The following MACROD2 variants were observed in gnomAD, a reference collection of about 807,000 sequenced individuals.
The protein encoded by MACROD2 is mono-ADP ribosylhydrolase 2, also known as ADP-ribose glycohydrolase MACROD2.
In MACROD2, 36 loss-of-function variants were observed where a neutral mutation model predicts 70.4. That is an observed-to-expected ratio of 0.51 (90% CI 0.39 to 0.68). The LOEUF is 0.68. MACROD2 is among the 30% of genes least tolerant of loss of function. The pLI is 0.00. For missense variants in MACROD2, 496 were observed against 538.4 expected, an observed-to-expected ratio of 0.92 and a Z score of 0.78; for synonymous variants, 172 against 178.8, an observed-to-expected ratio of 0.96 and a Z score of 0.30.
At chr20:15,204,917 A>T (rs940900832) in intron 5 of MACROD2, among the ~76,000 whole-genome samples, 1 of 152,160 alleles carries the variant, frequency 6.6e-6, no homozygotes, top group Non-Finnish European at 1.5e-5. Context: ...TTGAGTTGCC[A>T]AACACCCTAT....
intron 4 of MACROD2, chr20:14,621,773 G>C (rs906815807): frequency 3.9e-5 from 6 of 152,086 alleles, no homozygotes; most frequent in Non-Finnish European, 8.8e-5. Flanking sequence ...TAGATTCTCC[G>C]TTGGGAAGTG....
rs572810448 is a variant in MACROD2, at chr20:14,258,319, G to A, written c.271+172591G>A. ...TCTTTAAAGAATCTCCATACTGGTT[G>A]TACTAGTTTACATTCCCACCAGTAG... is the stretch of plus-strand genomic sequence containing the variant. On this transcript the variant is annotated intron_variant, in intron 3 of 17. Transcript: ENST00000684519. Among the ~76,000 whole-genome samples the A allele has an allele frequency of 3.9e-5, 6 of 152,150 alleles. No individual in the cohort carries two copies. The East Asian group carries it at 1.2e-3, about 29-fold the overall frequency.
At chr20:15,028,698 G>C (rs1057446489) in intron 5 of MACROD2, among the ~76,000 whole-genome samples, 1 of 152,186 alleles carries the variant, frequency 6.6e-6, no homozygotes, top group Non-Finnish European at 1.5e-5. Context: ...AGCCATGGCT[G>C]AGCTGAGATG....
At chr20:14,914,777 AC>A (rs555893130) in intron 5 of MACROD2, among the ~76,000 whole-genome samples, 2 of 152,202 alleles carry the variant, frequency 1.3e-5, no homozygotes, top group South Asian at 4.1e-4. Flanking sequence ...ATGCTGTCAA[AC>A]TCCTTCATGC....
At chr20:15,197,960 C>CT (rs56284199) in intron 5 of MACROD2, among the ~76,000 whole-genome samples, 4,800 of 118,646 alleles carry the variant, frequency 0.04, 259 homozygotes, top group Non-Finnish European at 0.056. Flanking sequence ...GCCTGGCCTC[C>CT]TTTTTTTTTT....
chr20:14,706,283 C>T (rs531242240), intron 5 of MACROD2, among the ~76,000 whole-genome samples: 11 of 151,312 alleles, frequency 7.3e-5, no homozygotes, highest in African/African-American at 1.9e-4. Flanking sequence ...CACTGCACTC[C>T]AGCCTGGTGA....
At chr20:15,213,702 T>G (rs1440960762) in intron 5 of MACROD2, among the ~76,000 whole-genome samples, 3 of 152,058 alleles carry the variant, frequency 2.0e-5, no homozygotes, top group Non-Finnish European at 2.9e-5. Context: ...CAAGAGCAGG[T>G]CATAGGAAAA....
rs554386846 is a variant in MACROD2 at position 14,536,176 on chromosome 20, T to C, written c.301+42668T>C. ...ATACCCAACAACATATATGTGTATA[T>C]ATATATGCACAACGTTGACTTCCAG... On this transcript the variant is annotated intron_variant, in intron 4 of 17. Coordinates refer to ENST00000684519, the MANE Select transcript of MACROD2 (RefSeq NM_001351661.2). Among the ~76,000 whole-genome samples the C allele has an allele frequency of 1.6e-3, 247 of 152,262 alleles. 1 individual carries two copies. The highest frequency in any genetic ancestry group is 0.01 in the Middle Eastern group (3 of 294).
intron 5 of MACROD2, among the ~76,000 whole-genome samples, chr20:14,907,881 T>C (rs960241848): frequency 1.7e-4 from 26 of 152,200 alleles, no homozygotes; most frequent in Admixed American, 4.6e-4. Flanking sequence ...ACTTCCCCTT[T>C]TAGGCATTTG....
intron 3 of MACROD2, among the ~76,000 whole-genome samples, chr20:14,241,571 A>T (rs536578323): frequency 1.3e-5 from 2 of 152,232 alleles, no homozygotes; most frequent in South Asian, 4.1e-4. Flanking sequence ...TATATATGTA[A>T]AACATTGTAA....
At chr20:14,500,470 T>A (rs1408779203) in intron 4 of MACROD2, among the ~76,000 whole-genome samples, 1 of 152,242 alleles carries the variant, frequency 6.6e-6, no homozygotes, top group Admixed American at 6.5e-5. Context: ...CATGAACTTG[T>A]CTAGTTCTTT....
chr20:15,564,232 G>A (rs6079887), intron 8 of MACROD2, among the ~76,000 whole-genome samples: 80,803 of 152,122 alleles, frequency 0.53, 26,552 homozygotes, highest in Non-Finnish European at 0.74. Context: ...CTTTCAGACA[G>A]TGCATCTAGG....
chr20:15,813,344 CTGTAGAGACA>C (rs2063839741), intron 8 of MACROD2, among the ~76,000 whole-genome samples: 1 of 152,192 alleles, frequency 6.6e-6, no homozygotes, highest in African/African-American at 2.4e-5. Context: ...CAAGGCAGCC[CTGTAGAGACA>C]TGTTAAGTCT....
At chr20:14,512,665 A>G (rs2085043651) in intron 4 of MACROD2, among the ~76,000 whole-genome samples, 1 of 152,058 alleles carries the variant, frequency 6.6e-6, no homozygotes, top group South Asian at 2.1e-4. Context: ...TCTCATGAGC[A>G]CACACCTCAC....
intron 3 of MACROD2, among the ~76,000 whole-genome samples, chr20:14,265,001 G>C (rs6042627): frequency 6.6e-6 from 1 of 152,206 alleles, no homozygotes; most frequent in African/African-American, 2.4e-5. Context: ...AGTCCTTGTA[G>C]GTTTTGGAGG....
chr20:14,864,889 G>T (rs1243197854), intron 5 of MACROD2, among the ~76,000 whole-genome samples: 1 of 152,098 alleles, frequency 6.6e-6, no homozygotes, highest in East Asian at 1.9e-4. Context: ...AATCACAAGG[G>T]CTTAGGGTAT....
chr20:15,127,278 C>T (rs752656718), intron 5 of MACROD2, among the ~76,000 whole-genome samples: 2 of 152,054 alleles, frequency 1.3e-5, no homozygotes, highest in African/African-American at 4.8e-5. Context: ...GTAAAGCTTA[C>T]ATAGATAACC....
At chr20:14,242,817 TAC>T (rs2081940233) in intron 3 of MACROD2, among the ~76,000 whole-genome samples, 1 of 152,194 alleles carries the variant, frequency 6.6e-6, no homozygotes, top group Non-Finnish European at 1.5e-5. Flanking sequence ...CACGAGCTTA[TAC>T]AGTTTTCATT....
At chr20:15,610,413 C>T (rs1021272723) in intron 8 of MACROD2, among the ~76,000 whole-genome samples, 4 of 152,134 alleles carry the variant, frequency 2.6e-5, no homozygotes, top group Non-Finnish European at 4.4e-5. Flanking sequence ...TGATGGCCGT[C>T]GGCAACCCTA....
Sources: gnomAD v4.1 joint callset for allele counts (sites outside exome capture counted in the v4.1 genomes callset) on GRCh38, gnomAD v4.1.1 for gene constraint, MANE v1.5 for transcripts, NCBI Gene and HGNC (gene_info 2026-07-23, HGNC 2026-07-21) for gene names.